HEMK2: variants seen among roughly 807,000 people sequenced by gnomAD.
HEMK2 encodes the protein HemK methyltransferase 2, ETF1 glutamine and histone H4 lysine.
At chr21:28,730,875 G>A in the HEMK2 span, among the ~76,000 whole-genome samples, 51,163 of 151,732 alleles carry the variant, frequency 0.34, 9,555 homozygotes, top group African/African-American at 0.49. Context: ...TTATACATGT[G>A]TGTGAATATT....
the HEMK2 span, among the ~76,000 whole-genome samples, chr21:28,774,132 A>G: frequency 9.9e-5 from 15 of 152,162 alleles, no homozygotes; most frequent in African/African-American, 3.1e-4. Flanking sequence ...CTTATCTTCA[A>G]AATAAAAGAG....
At chr21:28,645,538 G>C in the HEMK2 span, among the ~76,000 whole-genome samples, 6 of 151,944 alleles carry the variant, frequency 3.9e-5, no homozygotes, top group African/African-American at 1.5e-4. Flanking sequence ...CTAAATTTCT[G>C]CATACCATCA....
the HEMK2 span, among the ~76,000 whole-genome samples, chr21:28,694,752 A>G: frequency 0.56 from 84,325 of 151,684 alleles, 26,081 homozygotes; most frequent in East Asian, 0.84. Context: ...AGCACTTTGG[A>G]AGGCTGAGGC....
At chr21:28,708,419 T>C in the HEMK2 span, among the ~76,000 whole-genome samples, 1 of 152,218 alleles carries the variant, frequency 6.6e-6, no homozygotes, top group African/African-American at 2.4e-5. Flanking sequence ...TATCTTACAA[T>C]TTCCATTAAG....
the HEMK2 span, among the ~76,000 whole-genome samples, chr21:28,617,860 C>T: frequency 6.6e-6 from 1 of 150,992 alleles, no homozygotes; most frequent in East Asian, 1.9e-4. Context: ...ATGATCATGG[C>T]TTACTGCAGC....
chr21:28,873,894 GA>G, the HEMK2 span: 1 of 152,208 alleles, frequency 6.6e-6, no homozygotes, highest in Non-Finnish European at 1.5e-5. Flanking sequence ...ATGGGAACAG[GA>G]AGCAAAAATT....
the HEMK2 span, among the ~76,000 whole-genome samples, chr21:28,853,583 G>C: frequency 6.6e-6 from 1 of 152,162 alleles, no homozygotes; most frequent in African/African-American, 2.4e-5. Context: ...CTAGTTATAG[G>C]TCTAGAAGCA....
At chr21:28,819,544 C>CTTTTTTTTT in the HEMK2 span, among the ~76,000 whole-genome samples, 2 of 111,904 alleles carry the variant, frequency 1.8e-5, no homozygotes, top group Admixed American at 1.1e-4. Context: ...TTTTCTTTTC[C>CTTTTTTTTT]TTTTTTTTTT....
chr21:28,813,875 T>C, the HEMK2 span, among the ~76,000 whole-genome samples: 1 of 152,168 alleles, frequency 6.6e-6, no homozygotes, highest in Non-Finnish European at 1.5e-5. Context: ...GCTAGCCATA[T>C]ACAGAAAACT....
chr21:28,701,339 G>A, the HEMK2 span, among the ~76,000 whole-genome samples: 3 of 152,110 alleles, frequency 2.0e-5, no homozygotes, highest in Admixed American at 2.0e-4. Context: ...CAAATAGGAG[G>A]AGAAGAAGTC....
At chr21:28,859,241 TTAGA>T in the HEMK2 span, among the ~76,000 whole-genome samples, 1 of 152,182 alleles carries the variant, frequency 6.6e-6, no homozygotes, top group African/African-American at 2.4e-5. Context: ...TGTATTTACC[TTAGA>T]TAAATTGTTT....
At chr21:28,865,934 G>A in the HEMK2 span, among the ~76,000 whole-genome samples, 4 of 150,810 alleles carry the variant, frequency 2.7e-5, no homozygotes, top group East Asian at 1.9e-4. Flanking sequence ...TTTGAAACAC[G>A]GTCTCACTCT....
chr21:28,829,997 G>T, the HEMK2 span, among the ~76,000 whole-genome samples: 10 of 152,172 alleles, frequency 6.6e-5, no homozygotes, highest in Admixed American at 4.6e-4. Context: ...AGTCAGAGAA[G>T]GGTGGGCTCT....
At chr21:28,665,780 T>C in the HEMK2 span, among the ~76,000 whole-genome samples, 2 of 152,102 alleles carry the variant, frequency 1.3e-5, no homozygotes, top group Admixed American at 6.5e-5. Flanking sequence ...TAAAGACACA[T>C]GCACACGTAT....
the HEMK2 span, among the ~76,000 whole-genome samples, chr21:28,675,818 C>T: frequency 7.9e-5 from 12 of 152,150 alleles, no homozygotes; most frequent in African/African-American, 2.9e-4. Flanking sequence ...TTTCCTCACC[C>T]GCAGAGTGGA....
the HEMK2 span, chr21:28,875,136 C>T: frequency 0.9 from 137,009 of 152,332 alleles, 61,935 homozygotes; most frequent in African/African-American, 0.97. Context: ...GTGGGGACTA[C>T]GGAAATTTGG....
the HEMK2 span, among the ~76,000 whole-genome samples, chr21:28,728,262 ATT>A: frequency 6.6e-6 from 1 of 152,224 alleles, no homozygotes; most frequent in East Asian, 1.9e-4. Context: ...CTAAAATAAA[ATT>A]CCATTTTAAT....
the HEMK2 span, among the ~76,000 whole-genome samples, chr21:28,659,167 G>GT: frequency 1.3e-5 from 2 of 151,906 alleles, no homozygotes; most frequent in African/African-American, 4.8e-5. Flanking sequence ...TGATAAACTA[G>GT]TTTCTGATAT....
the HEMK2 span, among the ~76,000 whole-genome samples, chr21:28,760,240 A>G: frequency 4.2e-3 from 640 of 152,324 alleles, 2 homozygotes; most frequent in Middle Eastern, 0.01. Context: ...GAAAGTTTCA[A>G]TTAGGCTTTG....
Sources: gnomAD v4.1 joint callset for allele counts (sites outside exome capture counted in the v4.1 genomes callset) on GRCh38, gnomAD v4.1.1 for gene constraint, MANE v1.5 for transcripts, NCBI Gene and HGNC (gene_info 2026-07-23, HGNC 2026-07-21) for gene names.